KLHDC4: variants seen among roughly 807,000 people sequenced by gnomAD.
KLHDC4 encodes the protein kelch domain-containing protein 4.
KLHDC4 carries 90 observed loss-of-function variants against 62.4 expected under a neutral mutation model. The ratio of observed to expected loss-of-function variants is 1.44; its 90% confidence interval spans 1.22 to 1.72. The LOEUF is 1.72. Ranked by LOEUF, KLHDC4 falls within the 40% of genes most tolerant of loss-of-function variation. The probability of loss-of-function intolerance (pLI) is 0.00; values close to 1 mark genes in which losing one functional copy is unlikely to be tolerated. For missense variants in KLHDC4, 1,025 were observed against 699.7 expected (o/e 1.47, Z -5.25); for synonymous variants, 386 against 284.4 (o/e 1.36, Z -3.59).
intron 4 of KLHDC4, among the ~76,000 whole-genome samples, chr16:87,752,698 A>G (rs1269346062): frequency 6.6e-6 from 1 of 152,118 alleles, no homozygotes; most frequent in Non-Finnish European, 1.5e-5. Context: ...ACCCAGTCCG[A>G]CCCAGAGGAC....
At chr16:87,754,887 G>C (rs2044615992) in intron 4 of KLHDC4, among the ~76,000 whole-genome samples, 1 of 152,174 alleles carries the variant, frequency 6.6e-6, no homozygotes, top group African/African-American at 2.4e-5. Flanking sequence ...TCACCATCTA[G>C]TCCAGACCGT....
At chr16:87,736,339 G>A (rs72812212) in intron 5 of KLHDC4, among the ~76,000 whole-genome samples, 4,145 of 152,264 alleles carry the variant, frequency 0.027, 102 homozygotes, top group South Asian at 0.1. Context: ...TGTATGGTCC[G>A]TCGTGAACAG....
rs201263999 is a variant in KLHDC4 at position 87,708,448 on chromosome 16, T to A, written c.1466A>T (p.Glu489Val). The change falls in exon 11 of 12, where the codon GAG becomes GTG. Residue 489 changes from glutamate (E) to valine (V), a missense_variant. Coordinates refer to ENST00000270583, the MANE Select transcript of KLHDC4 (RefSeq NM_017566.4). ...ACTGTCCTCTTCCGAGTCCGTCTCCTCCAGCCACTCCTGAGTTTCTTCAAA... is the reference window on the plus strand; with the variant it reads ...ACTGTCCTCTTCCGAGTCCGTCTCCACCAGCCACTCCTGAGTTTCTTCAAA... ...EMDPETQEWL[E>V]ETDSEEDSEE... 1 of 1,603,586 alleles carries A rather than the reference T, an allele frequency of 6.2e-7. No homozygotes were observed. The highest frequency in any genetic ancestry group is 1.3e-5 in the African/African-American group (1 of 74,628).
rs768981260 is a variant in KLHDC4, at chr16:87,709,669, T to C, written c.1045-2A>G. The C allele has an allele frequency of 4.4e-6, 7 of 1,585,976 alleles. No homozygotes were observed. The highest frequency in any genetic ancestry group is 3.3e-4 in the Middle Eastern group (2 of 5,992). On this transcript the variant is annotated splice_acceptor_variant, in intron 9 of 11. Transcript: ENST00000270583. LOFTEE classifies it high-confidence loss of function. ...TTTCTTCTTTTCAGACTTGGGTCCC[T>C]ATTAATAGACCGAGGAAGCAGAGAG...
At chr16:87,742,796 G>A (rs542031225) in intron 5 of KLHDC4, among the ~76,000 whole-genome samples, 15 of 152,254 alleles carry the variant, frequency 9.9e-5, no homozygotes, top group African/African-American at 3.6e-4. Context: ...CACTGTGCCA[G>A]GAAAACCCCC....
intron 2 of KLHDC4, among the ~76,000 whole-genome samples, chr16:87,758,973 C>A (rs984055603): frequency 6.6e-6 from 1 of 151,930 alleles, no homozygotes; most frequent in Non-Finnish European, 1.5e-5. Context: ...GTGGGGAGTT[C>A]GAGACCAGTC....
chr16:87,760,542 G>C (rs965901172), intron 2 of KLHDC4, among the ~76,000 whole-genome samples: 6 of 147,114 alleles, frequency 4.1e-5, no homozygotes, highest in African/African-American at 1.5e-4. Context: ...GGGAGGCAGA[G>C]CTTGCAGTGA....
chr16:87,742,310 G>A (rs953682877), intron 5 of KLHDC4, among the ~76,000 whole-genome samples: 3 of 152,134 alleles, frequency 2.0e-5, no homozygotes, highest in Admixed American at 6.6e-5. Context: ...CGGCCACATA[G>A]CACTCAGAGC....
chr16:87,761,192 C>G (rs924471640), intron 2 of KLHDC4, among the ~76,000 whole-genome samples: 1 of 152,240 alleles, frequency 6.6e-6, no homozygotes, highest in Non-Finnish European at 1.5e-5. Flanking sequence ...ACCACTCACT[C>G]TGCTCAGGGG....
chr16:87,762,110 C>G, intron 1 of KLHDC4, 70 bp from the exon 2 acceptor site: 1 of 1,593,444 alleles, frequency 6.3e-7, no homozygotes, highest in Non-Finnish European at 8.5e-7. Flanking sequence ...GCCCGCTCAG[C>G]TTTCCTCCAA....
chr16:87,751,733 A>G (rs9929014), intron 4 of KLHDC4, among the ~76,000 whole-genome samples: 2 of 152,172 alleles, frequency 1.3e-5, no homozygotes, highest in African/African-American at 2.4e-5. Context: ...AGCCTTCACA[A>G]CAAGCAAGAC....
intron 7 of KLHDC4, among the ~76,000 whole-genome samples, chr16:87,726,075 T>C (rs978046867): frequency 6.6e-6 from 1 of 152,136 alleles, no homozygotes; most frequent in Admixed American, 6.5e-5. Context: ...TCTAATTCTA[T>C]ACAAAGAACT....
chr16:87,730,703 G>A (rs1176525642), intron 5 of KLHDC4, 59 bp from the exon 6 acceptor site: 1 of 1,457,250 alleles, frequency 6.9e-7, no homozygotes, highest in African/African-American at 1.4e-5. Context: ...TTGTTCTAAA[G>A]ACGACAACAA....
chr16:87,706,940 C>T (rs1262547155), downstream of KLHDC4, among the ~76,000 whole-genome samples: 7 of 152,256 alleles, frequency 4.6e-5, no homozygotes, highest in Admixed American at 2.6e-4. Context: ...TGCTTCCACC[C>T]GCCCAGCACC....
chr16:87,764,399 C>T (rs1414378275), intron 1 of KLHDC4, among the ~76,000 whole-genome samples: 2 of 152,008 alleles, frequency 1.3e-5, no homozygotes, highest in African/African-American at 2.4e-5. Flanking sequence ...CTTGTAATCC[C>T]AGCACTTTGG....
intron 5 of KLHDC4, among the ~76,000 whole-genome samples, chr16:87,734,501 G>C (rs1336430356): frequency 1.3e-5 from 2 of 152,190 alleles, no homozygotes; most frequent in Non-Finnish European, 2.9e-5. Context: ...AGCGAATTCG[G>C]TTCTCACTGC....
chr16:87,753,885 A>C (rs1419989361), intron 4 of KLHDC4, among the ~76,000 whole-genome samples: 1 of 150,994 alleles, frequency 6.6e-6, no homozygotes, highest in Non-Finnish European at 1.5e-5. Context: ...AAGCAGGAGA[A>C]TCGCTTGAAC....
Position 87,762,835 on chromosome 16 carries a change from T to C in KLHDC4, c.100-795A>G, listed in dbSNP as rs1597434728. ...GCACACCCGAGCCTGGCATTTCAAG[T>C]TCCTTCTAGCCTTCAGTGTCCTGCT... On this transcript the variant is annotated intron_variant, in intron 1 of 11. Transcript: ENST00000270583. Among the ~76,000 whole-genome samples the C allele has an allele frequency of 3.3e-5, 5 of 152,176 alleles. No homozygotes were observed. The South Asian group carries it at 1.0e-3, about 32-fold the overall frequency.
intron 2 of KLHDC4, among the ~76,000 whole-genome samples, chr16:87,757,792 T>C (rs1027413538): frequency 4.6e-5 from 7 of 152,064 alleles, no homozygotes; most frequent in African/African-American, 1.2e-4. Flanking sequence ...CTCAGGAGGC[T>C]GAGGCAGGAG....
Sources: gnomAD v4.1 joint callset for allele counts (sites outside exome capture counted in the v4.1 genomes callset) on GRCh38, gnomAD v4.1.1 for gene constraint, MANE v1.5 for transcripts, NCBI Gene and HGNC (gene_info 2026-07-23, HGNC 2026-07-21) for gene names.